ATP2B4: variants seen among roughly 807,000 people sequenced by gnomAD.
ATP2B4 encodes the protein ATPase plasma membrane Ca2+ transporting 4, also known as plasma membrane calcium-transporting ATPase 4.
A neutral mutation model predicts 110.3 loss-of-function variants in ATP2B4; 39 were observed. The observed-to-expected ratio is 0.35, with a 90% confidence interval of 0.27 to 0.46. The LOEUF is 0.46. ATP2B4 is among the 20% of genes least tolerant of loss of function. The pLI, the probability that ATP2B4 is intolerant of heterozygous loss-of-function variation, is 1.00. For synonymous variants in ATP2B4, 538 were observed against 571.7 expected (o/e 0.94, Z 0.84); for missense variants, 1,135 against 1,530.9 (o/e 0.74, Z 4.32).
chr1:203,660,217 A>G (rs1664295363), intron 1 of ATP2B4, among the ~76,000 whole-genome samples: 1 of 152,162 alleles, frequency 6.6e-6, no homozygotes, highest in Non-Finnish European at 1.5e-5. Flanking sequence ...TTTTCTCTCT[A>G]ATGCCAAAAC....
chr1:203,666,506 C>T lies in ATP2B4; in HGVS notation c.-464-16236C>T, dbSNP rs564096411. Among the ~76,000 whole-genome samples, 156 of 152,282 alleles carry T rather than the reference C, an allele frequency of 1.0e-3. 1 individual carries two copies. Among genetic ancestry groups the T allele is most frequent in the African/African-American group, 3.5e-3 (147 of 41,564 alleles). ...AGAGTCTTTGGAGGGCCTTCGCTTT[C>T]CCAAAGTAGCTTAATTTTGGCCCCC... On this transcript the variant is annotated intron_variant, in intron 1 of 20. Coordinates refer to ENST00000357681, the MANE Select transcript of ATP2B4 (RefSeq NM_001684.5).
chr1:203,704,454 C>A (rs1443161046), intron 8 of ATP2B4, among the ~76,000 whole-genome samples: 1 of 140,368 alleles, frequency 7.1e-6, no homozygotes, highest in African/African-American at 2.7e-5. Flanking sequence ...GGACATATCT[C>A]TCAAGGAACA....
intron 18 of ATP2B4, among the ~76,000 whole-genome samples, chr1:203,723,418 A>ATCTCTCTCTCTCTCTC (rs1491262777): frequency 3.0e-5 from 2 of 66,424 alleles, no homozygotes; most frequent in African/African-American, 1.2e-4. Flanking sequence ...TTTGAGACAG[A>ATCTCTCTCTCTCTCTC]TATCTCTCTC....
chr1:203,698,129 C>A, intron 2 of ATP2B4, 28 bp from the exon 3 acceptor site: 1 of 1,607,136 alleles, frequency 6.2e-7, no homozygotes, highest in Non-Finnish European at 8.5e-7. Flanking sequence ...TTCCTACATT[C>A]ATTCATCCAC....
chr1:203,715,600 A>G (rs1175302487), intron 15 of ATP2B4, among the ~76,000 whole-genome samples: 1 of 144,188 alleles, frequency 6.9e-6, no homozygotes, highest in African/African-American at 2.5e-5. Context: ...TGGGGCAAAA[A>G]AAAAAATTTC....
At chr1:203,709,195 T>C in intron 10 of ATP2B4, 106 bp from the exon 11 acceptor site, 1 of 1,427,584 alleles carries the variant, frequency 7.0e-7, no homozygotes, top group Non-Finnish European at 9.6e-7. Context: ...CCCTATGAGC[T>C]CCAGGTATAT....
At chr1:203,630,099 G>A (rs1034770140) in intron 1 of ATP2B4, among the ~76,000 whole-genome samples, 1 of 152,170 alleles carries the variant, frequency 6.6e-6, no homozygotes, top group Non-Finnish European at 1.5e-5. Flanking sequence ...CCCAGTTAGG[G>A]GCAGAAGGAG....
At chr1:203,631,849 CAGCGGCGCGATCTCAGCTCACTGT>C in intron 1 of ATP2B4, among the ~76,000 whole-genome samples, 1 of 152,274 alleles carries the variant, frequency 6.6e-6, no homozygotes, top group Non-Finnish European at 1.5e-5. Context: ...GGCTGGAGTG[CAGCGGCGCGATCTCAGCTCACTGT>C]AAGCTCTGCC....
chr1:203,673,465 T>G (rs1486272937), intron 1 of ATP2B4, among the ~76,000 whole-genome samples: 1 of 152,250 alleles, frequency 6.6e-6, no homozygotes, highest in Admixed American at 6.5e-5. Context: ...GGCAGGTTAT[T>G]AGCGATCATT....
At chr1:203,727,634 G>A in intron 20 of ATP2B4, 63 bp downstream of exon 20, 2 of 1,593,086 alleles carry the variant, frequency 1.3e-6, no homozygotes, top group African/African-American at 1.3e-5. Context: ...GAAGGTGTTG[G>A]GAGGGTAGCA....
intron 1 of ATP2B4, chr1:203,657,152 T>C: frequency 1.2e-6 from 1 of 828,310 alleles, no homozygotes; most frequent in Admixed American, 1.8e-5. Context: ...GGATTCTTCT[T>C]TACACCAAGT....
At chr1:203,658,976 C>G (rs1200187201) in intron 1 of ATP2B4, among the ~76,000 whole-genome samples, 1 of 151,674 alleles carries the variant, frequency 6.6e-6, no homozygotes, top group African/African-American at 2.4e-5. Context: ...TGCACTCCAG[C>G]CTGGGTGACA....
intron 1 of ATP2B4, among the ~76,000 whole-genome samples, chr1:203,679,295 G>T (rs1483205874): frequency 1.3e-5 from 2 of 152,118 alleles, no homozygotes; most frequent in African/African-American, 4.8e-5. Context: ...ACTCCGGAGA[G>T]TTCAAAACTC....
chr1:203,684,723 A>G (rs1010657718), intron 2 of ATP2B4, among the ~76,000 whole-genome samples: 4 of 152,234 alleles, frequency 2.6e-5, no homozygotes, highest in Non-Finnish European at 5.9e-5. Context: ...CACAAGGTAT[A>G]TAACTGTACC....
At position 203,721,339 on chromosome 1, in the gene ATP2B4, G is replaced by A. The variant is rs1372467335; in HGVS notation, c.2741G>A (p.Arg914His). Residue 914 changes from arginine (R) to histidine (H), a missense_variant, in exon 17 of 21, where the codon CGC (arginine) becomes CAC (histidine). By Grantham distance (29) the Arg-to-His change is conservative. Transcript: ENST00000357681. Reference sequence around the variant, plus strand: ...GGCCGAAATAAGCCTCTGATCTCACGCACTATGATGAAGAACATCTTGGGC... The same window carrying A: ...GGCCGAAATAAGCCTCTGATCTCACACACTATGATGAAGAACATCTTGGGC... ...PYGRNKPLISRTMMKNILGHA... is the reference protein window; with the variant it reads ...PYGRNKPLISHTMMKNILGHA... 3.1e-6 allele frequency: 5 copies of A among 1,614,142 alleles called. No homozygotes were observed. The highest frequency in any genetic ancestry group is 4.2e-6 in the Non-Finnish European group (5 of 1,180,024).
At position 203,720,652 on chromosome 1, in the gene ATP2B4, A is replaced by C; in HGVS notation, c.2510A>C (p.Tyr837Ser). Residue 837 changes from tyrosine (Y) to serine (S), a missense_variant, in exon 16 of 21, where the codon TAT becomes TCT. Physicochemically the swap from Tyr to Ser is moderately radical, Grantham distance 144 (BLOSUM62 -2). This residue lies in a region of ATP2B4 where 70 missense variants were observed against 142.4 expected (regional missense o/e 0.49). Transcript: ENST00000357681. Reference sequence around the variant, plus strand: ...GCAGTGATGTGGGGACGAAATGTCTATGACAGCATCTCCAAGTTCCTGCAG... The same window carrying C: ...GCAGTGATGTGGGGACGAAATGTCTCTGACAGCATCTCCAAGTTCCTGCAG... ...VKAVMWGRNV[Y>S]DSISKFLQFQ... The C allele has an allele frequency of 6.2e-7, 1 of 1,614,166 alleles. No homozygotes were observed. Among genetic ancestry groups the C allele is most frequent in the Non-Finnish European group, 8.5e-7 (1 of 1,180,006 alleles).
chr1:203,734,899 G>A (rs948983159), intron 20 of ATP2B4, among the ~76,000 whole-genome samples: 4 of 149,384 alleles, frequency 2.7e-5, no homozygotes, highest in Non-Finnish European at 5.9e-5. Flanking sequence ...AGCTACTCAG[G>A]ATGCTGAGGC....
At chr1:203,641,885 A>G (rs774811231) in intron 1 of ATP2B4, among the ~76,000 whole-genome samples, 13 of 152,234 alleles carry the variant, frequency 8.5e-5, no homozygotes, top group Non-Finnish European at 1.9e-4. Context: ...CCAAGTGCCC[A>G]GAACAGTATT....
At chr1:203,716,158 C>T (rs1571756655) in intron 15 of ATP2B4, among the ~76,000 whole-genome samples, 5 of 144,748 alleles carry the variant, frequency 3.5e-5, no homozygotes, top group Admixed American at 3.4e-4. Context: ...TGGGACTTGG[C>T]ATATAGTTGT....
Sources: allele counts gnomAD v4.1 joint callset (sites outside exome capture counted in the v4.1 genomes callset), GRCh38; gene constraint gnomAD v4.1.1; regional missense constraint gnomAD v4.1.1; transcripts MANE v1.5; gene names NCBI Gene and HGNC (gene_info 2026-07-23, HGNC 2026-07-21).